Variants in CTBP2 observed in about 807,000 individuals in gnomAD.
The protein encoded by CTBP2 is C-terminal binding protein 2, also known as C-terminal-binding protein 2.
Under a neutral mutation model 80.3 loss-of-function variants are expected in CTBP2, and 30 were observed. The observed-to-expected ratio is 0.37, with a 90% CI of 0.28 to 0.51. The LOEUF is 0.51. Ranked by LOEUF, CTBP2 falls within the 20% of genes least tolerant of loss-of-function variation. The pLI is 0.93. For synonymous variants in CTBP2, 594 were observed against 587.4 expected, an observed-to-expected ratio of 1.01 and a Z score of -0.16; for missense variants, 1,212 against 1,375.3, an observed-to-expected ratio of 0.88 and a Z score of 1.88.
rs1952002013 is a variant in CTBP2 at position 124,985,010 on chromosome 10, C to T, written c.*4508G>A. The T allele has an allele frequency of 1.3e-6, 2 of 1,570,538 alleles. No homozygotes were observed. The highest frequency in any genetic ancestry group is 8.7e-7 in the Non-Finnish European group (1 of 1,149,416). On this transcript the variant is annotated 3_prime_UTR_variant, in exon 9 of 9. Coordinates refer to ENST00000309035, the MANE Select transcript of CTBP2 (RefSeq NM_022802.3). ...ATGAATGAAAAAAAAAATCAAACAG[C>T]AGAAGACCAAGGCATCAGATCTGTA...
intron 2 of CTBP2, among the ~76,000 whole-genome samples, chr10:125,053,464 T>A (rs1435554019): frequency 1.3e-5 from 2 of 152,098 alleles, no homozygotes; most frequent in East Asian, 1.9e-4. Context: ...AGGCCCTCTG[T>A]CCTCTCCAGG....
chr10:125,100,588 T>G (rs767822777), intron 2 of CTBP2: 7 of 152,256 alleles, frequency 4.6e-5, no homozygotes, highest in Non-Finnish European at 7.3e-5. Flanking sequence ...AACATTCTTA[T>G]GTGCTGAAAT....
intron 1 of CTBP2, among the ~76,000 whole-genome samples, chr10:125,005,018 C>G (rs1955042869): frequency 1.3e-5 from 2 of 152,308 alleles, no homozygotes; most frequent in South Asian, 4.1e-4. Flanking sequence ...GCTGGACCAC[C>G]AAGGCTCATA....
intron 3 of CTBP2, among the ~76,000 whole-genome samples, chr10:125,033,783 A>G (rs1488566666): frequency 1.3e-5 from 2 of 152,054 alleles, no homozygotes; most frequent in African/African-American, 4.8e-5. Flanking sequence ...CGGGACCAAG[A>G]GGACAGGCAC....
intron 1 of CTBP2, among the ~76,000 whole-genome samples, chr10:125,140,553 T>C (rs1021269087): frequency 1.3e-5 from 2 of 152,240 alleles, no homozygotes; most frequent in African/African-American, 4.8e-5. Context: ...CCGGGTGCAG[T>C]GGCTCACGCC....
At position 125,027,202 on chromosome 10, in the gene CTBP2, G is replaced by A. The variant is rs200085060; in HGVS notation, c.558C>T (p.Pro186=). 2.4e-5 allele frequency: 39 copies of A among 1,609,696 alleles called. No individual in the cohort carries two copies. The highest frequency in any genetic ancestry group is 1.7e-4 in the Admixed American group (10 of 59,946). The change falls in exon 1 of 9, where the codon CCC becomes CCT. Residue 186 remains proline, a synonymous_variant. Coordinates refer to ENST00000309035, the MANE Select transcript of CTBP2 (RefSeq NM_022802.3). ...CGGGCTGCTCCCGTCCATACCGCCC[G>A]GGAGATGCAGCCCTGCTCTGTGTCT...
chr10:125,144,797 G>A (rs1284839203), intron 1 of CTBP2, among the ~76,000 whole-genome samples: 3 of 152,202 alleles, frequency 2.0e-5, no homozygotes. Flanking sequence ...GTAATAGTGT[G>A]CTTCACTGAG....
chr10:125,063,104 G>A (rs1237800344), intron 2 of CTBP2, among the ~76,000 whole-genome samples: 3 of 152,320 alleles, frequency 2.0e-5, no homozygotes, highest in East Asian at 1.9e-4. Context: ...GGCCAGCCTC[G>A]AGCTGGACCT....
chr10:125,107,862 C>G (rs964159882), intron 2 of CTBP2, among the ~76,000 whole-genome samples: 10 of 152,336 alleles, frequency 6.6e-5, no homozygotes, highest in African/African-American at 2.2e-4. Context: ...TGCAACTATT[C>G]TACCACCATT....
At chr10:125,020,424 G>T (rs540375847) in intron 1 of CTBP2, among the ~76,000 whole-genome samples, 49 of 152,308 alleles carry the variant, frequency 3.2e-4, no homozygotes, top group Non-Finnish European at 6.0e-4. Flanking sequence ...ACTCCATGTG[G>T]AACTGCTTTC....
chr10:124,992,851 C>A (rs781404394), intron 7 of CTBP2, 39 bp from the exon 10 acceptor site: 2 of 1,480,784 alleles, frequency 1.4e-6, no homozygotes, highest in South Asian at 2.4e-5. Context: ...ATTATTTTTA[C>A]AAATCACAGT....
chr10:125,112,255 G>A (rs1335760220), intron 1 of CTBP2, among the ~76,000 whole-genome samples: 1 of 151,486 alleles, frequency 6.6e-6, no homozygotes, highest in Non-Finnish European at 1.5e-5. Flanking sequence ...TGGGACTACA[G>A]GCGCCTGCCA....
At chr10:125,006,176 G>A (rs1955216593) in intron 1 of CTBP2, among the ~76,000 whole-genome samples, 2 of 152,176 alleles carry the variant, frequency 1.3e-5, no homozygotes, top group Admixed American at 1.3e-4. Flanking sequence ...ACGTGGCTGA[G>A]GCTGGCCCGA....
intron 3 of CTBP2, among the ~76,000 whole-genome samples, chr10:125,038,401 G>A (rs774068197): frequency 1.3e-5 from 2 of 151,996 alleles, no homozygotes; most frequent in East Asian, 1.9e-4. Flanking sequence ...CCCTAAACCC[G>A]AACCCACACG....
At chr10:124,994,756 T>G (rs1953234033) in intron 4 of CTBP2, 73 bp from the exon 7 acceptor site, 6 of 1,476,632 alleles carry the variant, frequency 4.1e-6, no homozygotes, top group Non-Finnish European at 5.6e-6. Flanking sequence ...CCATTGCTTC[T>G]GAGCTGAGTC....
In CTBP2 at chr10:125,027,249, T is replaced by C. The variant is rs1224532763; in HGVS notation, c.511A>G (p.Lys171Glu). Residue 171 changes from lysine to glutamate, a missense_variant, in exon 1 of 9, where the codon AAA (lysine) becomes GAA (glutamate). Transcript: ENST00000309035. ...GTCTGCCGCCCCTGAGGGATCATTT[T>C]ACCTCCAGGATCCCGGTACAGGTGA... The C allele has an allele frequency of 6.2e-7, 1 of 1,613,690 alleles. No individual in the cohort carries two copies. The highest frequency in any genetic ancestry group is 1.7e-5 in the Admixed American group (1 of 60,026).
At position 125,027,859 on chromosome 10, in the gene CTBP2, C is replaced by T. The variant is rs573805221; in HGVS notation, c.-100G>A. 172 of 1,429,220 alleles carry T rather than the reference C, an allele frequency of 1.2e-4. 2 individuals carry two copies. In the South Asian group the frequency reaches 2.4e-3, roughly 20 times the overall value. 88.5% of individuals were successfully genotyped at this position (1,429,220 alleles called of 1,614,324 possible). A position where few individuals can be genotyped will look rare whatever the true frequency, so the allele number is the denominator to read the frequency against. Reference sequence around the variant, plus strand: ...CAGACCTGGCTGTGTGCTAACCCTTCCGAGACGGCAGGGACAACCAACTGG... The same window carrying T: ...CAGACCTGGCTGTGTGCTAACCCTTTCGAGACGGCAGGGACAACCAACTGG... On this transcript the variant is annotated 5_prime_UTR_variant, in exon 1 of 9. Transcript: ENST00000309035.
At chr10:125,150,442 T>C (rs1480109855) in intron 1 of CTBP2, among the ~76,000 whole-genome samples, 2 of 151,974 alleles carry the variant, frequency 1.3e-5, no homozygotes, top group African/African-American at 4.8e-5. Flanking sequence ...GAGAAACAGC[T>C]TGGGAGGAAA....
chr10:125,147,249 G>A (rs1858948293), intron 1 of CTBP2, among the ~76,000 whole-genome samples: 1 of 152,230 alleles, frequency 6.6e-6, no homozygotes, highest in Admixed American at 6.5e-5. Flanking sequence ...CCTCAGTAGA[G>A]GAGAATTCAA....
Sources: allele counts gnomAD v4.1 joint callset (sites outside exome capture counted in the v4.1 genomes callset), GRCh38; gene constraint gnomAD v4.1.1; transcripts MANE v1.5; gene names NCBI Gene and HGNC (gene_info 2026-07-23, HGNC 2026-07-21).